The following SIPA1L1 variants were observed in gnomAD, a reference collection of about 807,000 sequenced individuals.
SIPA1L1 encodes signal-induced proliferation-associated 1-like protein 1.
Under a neutral mutation model 162.7 loss-of-function variants are expected in SIPA1L1, and 26 were observed. That is an observed-to-expected ratio of 0.16 (90% CI 0.12 to 0.22). The LOEUF (loss-of-function observed/expected upper bound fraction) is 0.22. Ranked by LOEUF, SIPA1L1 falls within the 10% of genes least tolerant of loss-of-function variation. SIPA1L1 has a pLI of 1.00. For synonymous variants in SIPA1L1, 829 were observed against 837.4 expected (o/e 0.99, Z 0.17); for missense variants, 1,874 against 2,241.0 (o/e 0.84, Z 3.31).
chr14:71,715,308 A>T (rs1268013946), intron 17 of SIPA1L1, among the ~76,000 whole-genome samples: 1 of 152,218 alleles, frequency 6.6e-6, no homozygotes, highest in Non-Finnish European at 1.5e-5. Context: ...GTAATCTAGG[A>T]GATGGCATAT....
chr14:71,709,023 G>A (rs755869695), intron 16 of SIPA1L1, among the ~76,000 whole-genome samples, 199 bp from the exon 17 acceptor site: 3 of 150,818 alleles, frequency 2.0e-5, no homozygotes, highest in Non-Finnish European at 4.4e-5. Context: ...AAAAAAACAC[G>A]TTTCTAGTAC....
intron 2 of SIPA1L1, among the ~76,000 whole-genome samples, chr14:71,396,440 C>G (rs2041207332): frequency 6.6e-6 from 1 of 152,106 alleles, no homozygotes; most frequent in South Asian, 2.1e-4. Flanking sequence ...TTTTTATGCT[C>G]CTGGCCAACT....
intron 2 of SIPA1L1, among the ~76,000 whole-genome samples, chr14:71,366,809 T>G (rs993404105): frequency 6.6e-6 from 1 of 152,204 alleles, no homozygotes; most frequent in Non-Finnish European, 1.5e-5. Context: ...CTAAAGCTTA[T>G]TGTGGGGATC....
chr14:71,610,001 G>A (rs1012207114), intron 5 of SIPA1L1, among the ~76,000 whole-genome samples: 3 of 152,024 alleles, frequency 2.0e-5, no homozygotes, highest in East Asian at 1.9e-4. Context: ...AGTAATGGAC[G>A]TGCTTCTTTC....
In SIPA1L1 at chr14:71,370,457, ATTC is replaced by A. The variant is rs1275052630; in HGVS notation, c.-465+49279_-465+49281del. On this transcript the variant is annotated intron_variant, in intron 2 of 23. Transcript: ENST00000381232. ...TGTCTTTGGCTCTTATTTTTGTGGT[ATTC>A]TTGTTTCACTATTGGGATAGACTTT... Among the ~76,000 whole-genome samples, 5 of 152,066 alleles carry A rather than the reference ATTC, an allele frequency of 3.3e-5. No individual in the cohort carries two copies. The East Asian group carries it at 7.7e-4, about 23-fold the overall frequency.
intron 2 of SIPA1L1, among the ~76,000 whole-genome samples, chr14:71,322,304 A>G (rs952374993): frequency 6.6e-6 from 1 of 152,234 alleles, no homozygotes. Context: ...GTCCAAGGCA[A>G]AGATTCTCTG....
Position 71,540,976 on chromosome 14 carries a change from A to G in SIPA1L1, c.-303+11606A>G, listed in dbSNP as rs558046763. ...ACCCCAACTCTACTAAAAAGAAAAAAAATTAGCCAGACGTGGTGGCACACA... is the reference window on the plus strand; with the variant it reads ...ACCCCAACTCTACTAAAAAGAAAAAGAATTAGCCAGACGTGGTGGCACACA... On this transcript the variant is annotated intron_variant, in intron 4 of 23. Transcript: ENST00000381232. Among the ~76,000 whole-genome samples, 5 of 152,216 alleles carry G rather than the reference A, an allele frequency of 3.3e-5. No homozygotes were observed. In the South Asian group the frequency reaches 6.2e-4, roughly 19 times the overall value.
intron 17 of SIPA1L1, 152 bp from the exon 18 acceptor site, chr14:71,723,495 G>A: frequency 1.3e-6 from 1 of 784,048 alleles, no homozygotes; most frequent in South Asian, 1.8e-5. Flanking sequence ...ATTATGATGA[G>A]AAAGCCAGGA....
At chr14:71,694,207 G>A (rs1036313071) in intron 13 of SIPA1L1, among the ~76,000 whole-genome samples, 1 of 152,028 alleles carries the variant, frequency 6.6e-6, no homozygotes, top group Non-Finnish European at 1.5e-5. Context: ...GAGGACAGGG[G>A]TGGTTGTGTT....
chr14:71,448,935 G>A (rs1314593940), intron 2 of SIPA1L1: 1 of 152,286 alleles, frequency 6.6e-6, no homozygotes, highest in Non-Finnish European at 1.5e-5. Flanking sequence ...TCCAGCCTGG[G>A]CAACATAGCA....
chr14:71,356,054 C>T (rs1415757611), intron 2 of SIPA1L1, among the ~76,000 whole-genome samples: 1 of 152,148 alleles, frequency 6.6e-6, no homozygotes, highest in Non-Finnish European at 1.5e-5. Flanking sequence ...TGAGGAGCTG[C>T]TGCTACTGAT....
intron 14 of SIPA1L1, 143 bp from the exon 15 acceptor site, chr14:71,702,238 C>A: frequency 1.3e-6 from 1 of 785,104 alleles, no homozygotes; most frequent in Non-Finnish European, 2.1e-6. Context: ...TAAACACGAA[C>A]CAGGGTGTGT....
chr14:71,609,412 G>A lies in SIPA1L1; in HGVS notation c.1499-9345G>A, dbSNP rs369222661. ...TCCTCCCAAATGACTGGGACTACAG[G>A]TGTGCACCACTGTGCCCAGCTAATA... On this transcript the variant is annotated intron_variant, in intron 5 of 23. Coordinates refer to ENST00000381232, the MANE Select transcript of SIPA1L1 (RefSeq NM_001386936.1). 3.8e-4 allele frequency among the ~76,000 whole-genome samples: 58 copies of A among 151,942 alleles called. No homozygotes were observed. In the East Asian group the frequency reaches 6.8e-3, roughly 18 times the overall value.
intron 6 of SIPA1L1, among the ~76,000 whole-genome samples, chr14:71,619,110 G>C (rs1051085345): frequency 1.3e-5 from 2 of 152,056 alleles, no homozygotes; most frequent in African/African-American, 4.8e-5. Flanking sequence ...CTATGAATGA[G>C]GAGTTTTGAT....
chr14:71,692,476 C>G (rs746759246), intron 13 of SIPA1L1, among the ~76,000 whole-genome samples: 1 of 152,220 alleles, frequency 6.6e-6, no homozygotes, highest in Admixed American at 6.5e-5. Flanking sequence ...CTTAAAGTGA[C>G]CGGACTCTGA....
chr14:71,363,864 C>T (rs976485055), intron 2 of SIPA1L1, among the ~76,000 whole-genome samples: 4 of 152,256 alleles, frequency 2.6e-5, no homozygotes, highest in East Asian at 3.9e-4. Context: ...TTTCTAGTCC[C>T]GGGATCAGCC....
intron 2 of SIPA1L1, among the ~76,000 whole-genome samples, chr14:71,353,963 A>G (rs1355705077): frequency 6.6e-6 from 1 of 152,034 alleles, no homozygotes; most frequent in East Asian, 1.9e-4. Context: ...TCGAATACCA[A>G]AAGAATAGGA....
intron 2 of SIPA1L1, among the ~76,000 whole-genome samples, chr14:71,448,271 G>T (rs1166326242): frequency 6.6e-6 from 1 of 152,132 alleles, no homozygotes; most frequent in Non-Finnish European, 1.5e-5. Flanking sequence ...CCACACCAAT[G>T]ATTATAGTAA....
At chr14:71,639,946 C>G (rs2041541681) in intron 7 of SIPA1L1, among the ~76,000 whole-genome samples, 1 of 152,062 alleles carries the variant, frequency 6.6e-6, no homozygotes, top group Non-Finnish European at 1.5e-5. Flanking sequence ...CTCTGTTGCC[C>G]AGGCTGGAGT....
Sources: allele counts gnomAD v4.1 joint callset (sites outside exome capture counted in the v4.1 genomes callset), GRCh38; gene constraint gnomAD v4.1.1; transcripts MANE v1.5; gene names NCBI Gene and HGNC (gene_info 2026-07-23, HGNC 2026-07-21).